Variants in HIPK2 observed in about 807,000 individuals in gnomAD.
The protein encoded by HIPK2 is homeodomain-interacting protein kinase 2.
In HIPK2, 27 loss-of-function variants were observed where a neutral mutation model predicts 113.7. The ratio of observed to expected loss-of-function variants is 0.24; its 90% CI spans 0.17 to 0.33. The LOEUF (loss-of-function observed/expected upper bound fraction) is 0.33, where lower values mean the gene tolerates loss of function less well. Ranked by LOEUF, HIPK2 falls within the 10% of genes least tolerant of loss-of-function variation. The probability of loss-of-function intolerance (pLI) is 1.00; values close to 1 mark genes in which losing one functional copy is unlikely to be tolerated. For missense variants in HIPK2, 1,257 were observed against 1,588.0 expected, an observed-to-expected ratio of 0.79 and a Z score of 3.54; for synonymous variants, 631 against 642.2, an observed-to-expected ratio of 0.98 and a Z score of 0.26.
In HIPK2 at chr7:139,596,982, C is replaced by G; in HGVS notation, c.2452G>C (p.Glu818Gln). 1.3e-6 allele frequency: 2 copies of G among 1,596,808 alleles called. No homozygotes were observed. The highest frequency in any genetic ancestry group is 1.7e-6 in the Non-Finnish European group (2 of 1,166,270). The change falls in exon 12 of 15, where the codon GAG (glutamate) becomes CAG (glutamine). Residue 818 changes from glutamate (E) to glutamine (Q), a missense_variant. Physicochemically the swap from Glu to Gln is conservative, Grantham distance 29. Around this residue, in one of 5 missense-constraint regions of HIPK2, gnomAD observed 862 missense variants for 1,004.3 expected, o/e 0.86. Coordinates refer to ENST00000406875, the MANE Select transcript of HIPK2 (RefSeq NM_022740.5). The part of the protein sequence containing the change: ...QSSVRNVSTC[E>Q]VSSSQAISSP... ...CTGATGGCCTGAGAGGAGGACACCT[C>G]ACAGGTGGAGACATTTCTGTAATGA...
At position 139,653,436 on chromosome 7, in the gene HIPK2, T is replaced by C. The variant is rs138846520; in HGVS notation, c.1104-21711A>G. Among the ~76,000 whole-genome samples, 22 of 150,742 alleles carry C rather than the reference T, an allele frequency of 1.5e-4. 1 individual carries two copies. The East Asian group carries it at 4.3e-3, about 29-fold the overall frequency. On this transcript the variant is annotated intron_variant, in intron 2 of 14. Transcript: ENST00000406875. ...TGGGTGGTGGGATTTAGAGATCTTA[T>C]GGGACAAATCACACCTCCCACACCG...
rs1800199833 is a variant in HIPK2, at chr7:139,620,536, C to T, written c.1647G>A (p.Glu549=). 1.2e-6 allele frequency: 2 copies of T among 1,614,132 alleles called. No individual in the cohort carries two copies. Among genetic ancestry groups the T allele is most frequent in the Non-Finnish European group, 1.7e-6 (2 of 1,180,024 alleles). Residue 549 remains glutamate, a synonymous_variant, in exon 7 of 15, where the codon GAG becomes GAA. Coordinates refer to ENST00000406875, the MANE Select transcript of HIPK2 (RefSeq NM_022740.5). The part of the protein sequence containing the change: ...THVKSCFQNM[E]ICKRRVNMYD... ...ACATATTCACCCGACGCTTGCAGAT[C>T]TCCATGTTCTGGAAACATGATTTGA...
At chr7:139,738,638 A>T (rs1243740480) in intron 1 of HIPK2, among the ~76,000 whole-genome samples, 1 of 152,210 alleles carries the variant, frequency 6.6e-6, no homozygotes, top group Non-Finnish European at 1.5e-5. Context: ...AGTGAGAGAC[A>T]GCACATTCAA....
intron 2 of HIPK2, among the ~76,000 whole-genome samples, chr7:139,632,774 T>A (rs1018986891): frequency 6.6e-5 from 10 of 152,254 alleles, no homozygotes; most frequent in South Asian, 2.1e-4. Context: ...AGCTTATGTT[T>A]TTTTAAAAAA....
chr7:139,691,049 G>A (rs1301469258), intron 2 of HIPK2, among the ~76,000 whole-genome samples: 2 of 152,164 alleles, frequency 1.3e-5, no homozygotes, highest in Non-Finnish European at 2.9e-5. Flanking sequence ...ATAAAAAACA[G>A]GAATCTGTAA....
At chr7:139,696,277 A>G (rs1476719319) in intron 2 of HIPK2, among the ~76,000 whole-genome samples, 1 of 152,164 alleles carries the variant, frequency 6.6e-6, no homozygotes, top group Non-Finnish European at 1.5e-5. Flanking sequence ...TGGGAAGAGA[A>G]AAAAAGCAGT....
intron 1 of HIPK2, among the ~76,000 whole-genome samples, chr7:139,740,670 G>A (rs1796076142): frequency 6.6e-6 from 1 of 152,190 alleles, no homozygotes; most frequent in Admixed American, 6.5e-5. Flanking sequence ...ACACCTGTTA[G>A]TCCTAATATA....
At chr7:139,704,677 G>A (rs1794837738) in intron 2 of HIPK2, among the ~76,000 whole-genome samples, 1 of 152,142 alleles carries the variant, frequency 6.6e-6, no homozygotes, top group South Asian at 2.1e-4. Flanking sequence ...CAGGCTCTTT[G>A]GCATCACTCC....
intron 1 of HIPK2, among the ~76,000 whole-genome samples, chr7:139,770,317 G>C (rs975247132): frequency 5.9e-5 from 9 of 152,076 alleles, no homozygotes; most frequent in Non-Finnish European, 1.2e-4. Flanking sequence ...CACAACCTCG[G>C]CATTATAACC....
intron 2 of HIPK2, among the ~76,000 whole-genome samples, chr7:139,705,415 C>T (rs533996534): frequency 1.1e-4 from 17 of 151,748 alleles, no homozygotes; most frequent in Admixed American, 7.2e-4. Context: ...CTCGCTATGT[C>T]GCCCAGGCTG....
intron 13 of HIPK2, among the ~76,000 whole-genome samples, chr7:139,579,624 C>T (rs1310909784): frequency 2.6e-5 from 4 of 151,476 alleles, no homozygotes; most frequent in East Asian, 1.9e-4. Context: ...GAGGTCTCAG[C>T]CTCTCAAGAA....
At position 139,716,726 on chromosome 7, in the gene HIPK2, G is replaced by A. The variant is rs1795255164; in HGVS notation, c.309C>T (p.Val103=). 1 of 1,613,950 alleles carries A rather than the reference G, an allele frequency of 6.2e-7. No homozygotes were observed. The highest frequency in any genetic ancestry group is 8.5e-7 in the Non-Finnish European group (1 of 1,179,876). The change falls in exon 2 of 15, where the codon GTC becomes GTT. Residue 103 remains valine (V), a synonymous_variant. Coordinates refer to ENST00000406875, the MANE Select transcript of HIPK2 (RefSeq NM_022740.5). This position sits in a 1 kb window ranked among gnomAD's most constrained non-coding sequence, Gnocchi z 9.3. The part of the protein sequence containing the change: ...IVVTSASSTS[V]TGQVLGGPHN... ...GTGGTCCGCCGAGGACTTGCCCGGT[G>A]ACAGAAGTGCTGCTTGCTGAGGTGA... is the stretch of plus-strand genomic sequence containing the variant.
intron 2 of HIPK2, among the ~76,000 whole-genome samples, chr7:139,677,209 G>A (rs773101033): frequency 1.3e-5 from 2 of 151,620 alleles, no homozygotes; most frequent in Admixed American, 6.6e-5. Context: ...GTGTGTGTGT[G>A]TATGTAGAGA....
chr7:139,760,556 G>A (rs183416602), intron 1 of HIPK2, among the ~76,000 whole-genome samples: 1 of 152,188 alleles, frequency 6.6e-6, no homozygotes, highest in East Asian at 1.9e-4. Flanking sequence ...ACTTTCCTCT[G>A]TAGTTCCATA....
intron 1 of HIPK2, among the ~76,000 whole-genome samples, chr7:139,739,011 T>C (rs1427502978): frequency 6.6e-6 from 1 of 152,178 alleles, no homozygotes; most frequent in African/African-American, 2.4e-5. Flanking sequence ...GCAGAATAAA[T>C]GCCCTCGCCC....
intron 1 of HIPK2, among the ~76,000 whole-genome samples, chr7:139,728,751 T>C (rs1795668654): frequency 6.6e-6 from 1 of 152,228 alleles, no homozygotes; most frequent in Non-Finnish European, 1.5e-5. Flanking sequence ...TAAAGTATAA[T>C]TTTCTCAGGT....
At chr7:139,603,981 G>A in intron 10 of HIPK2, 100 bp downstream of exon 10, 1 of 1,499,384 alleles carries the variant, frequency 6.7e-7, no homozygotes, top group South Asian at 1.2e-5. Flanking sequence ...CTACAAACCG[G>A]GGAATTGAAG....
intron 2 of HIPK2, among the ~76,000 whole-genome samples, chr7:139,686,893 T>C (rs1321732532): frequency 6.6e-6 from 1 of 152,216 alleles, no homozygotes; most frequent in African/African-American, 2.4e-5. Context: ...GAGAACTCTT[T>C]CGTGAAGGGA....
At chr7:139,689,574 G>A (rs1023456005) in intron 2 of HIPK2, among the ~76,000 whole-genome samples, 1 of 152,174 alleles carries the variant, frequency 6.6e-6, no homozygotes, top group Admixed American at 6.5e-5. Context: ...TGTTGATGGT[G>A]AAGAATACTG....
Sources: gnomAD v4.1 joint callset for allele counts (sites outside exome capture counted in the v4.1 genomes callset) on GRCh38, gnomAD v4.1.1 for gene constraint, gnomAD v4.1.1 regional missense constraint, Gnocchi (gnomAD v3.1) non-coding constraint, MANE v1.5 for transcripts, NCBI Gene and HGNC (gene_info 2026-07-23, HGNC 2026-07-21) for gene names.